PPHLN1: variants seen among roughly 807,000 people sequenced by gnomAD.
PPHLN1 encodes the protein periphilin 1.
PPHLN1 carries 29 observed loss-of-function variants against 51.3 expected under a neutral mutation model. The ratio of observed to expected loss-of-function variants is 0.57; its 90% confidence interval spans 0.42 to 0.77. The LOEUF (loss-of-function observed/expected upper bound fraction) is 0.77, where lower values mean the gene tolerates loss of function less well. Ranked by LOEUF, PPHLN1 falls within the 30% of genes least tolerant of loss-of-function variation. PPHLN1 has a pLI of 0.00. For synonymous variants in PPHLN1, 147 were observed against 147.8 expected (o/e 0.99, Z 0.04); for missense variants, 436 against 438.4 (o/e 0.99, Z 0.05).
In PPHLN1 at chr12:42,386,027, A is replaced by G. The variant is rs574275796; in HGVS notation, c.568+1031A>G. Among the ~76,000 whole-genome samples the G allele has an allele frequency of 3.3e-5, 5 of 152,356 alleles. No individual in the cohort carries two copies. In the South Asian group the frequency reaches 6.2e-4, roughly 19 times the overall value. On this transcript the variant is annotated intron_variant, in intron 6 of 9. Transcript: ENST00000358314. ...TCTACAAGAACTTTTAAAGTTGCTT[A>G]GGGTGAAAGCCTCTTGTAGTACCAC...
intron 9 of PPHLN1, among the ~76,000 whole-genome samples, chr12:42,405,491 A>ATT (rs2079208531): frequency 6.6e-6 from 1 of 152,228 alleles, no homozygotes; most frequent in Non-Finnish European, 1.5e-5. Flanking sequence ...CTAGAAGTGA[A>ATT]TTGATGATTG....
In PPHLN1 at chr12:42,397,455, G is replaced by GT. The variant is rs796568118; in HGVS notation, c.769-1391dup. Among the ~76,000 whole-genome samples, 59 of 152,004 alleles carry GT rather than the reference G, an allele frequency of 3.9e-4. 2 individuals are homozygous for GT. The highest frequency in any genetic ancestry group is 1.4e-3 in the African/African-American group (57 of 41,452). ...ATGAGCTCTTTTAAATTAACTGTCA[G>GT]TTTTTTTTCCCCTTTTTCACTTGCT... On this transcript the variant is annotated intron_variant, in intron 8 of 9. Transcript: ENST00000358314.
In PPHLN1 at chr12:42,426,228, ACC is replaced by A. The variant is rs1555220467; in HGVS notation, c.910-15085_910-15084del. Among the ~76,000 whole-genome samples the A allele has an allele frequency of 4.8e-4, 62 of 129,866 alleles. 1 individual carries two copies. Among genetic ancestry groups the A allele is most frequent in the African/African-American group, 1.9e-3 (59 of 30,532 alleles). The allele number at this position is 129,866 out of a possible 152,430, so 85.2% of individuals were successfully genotyped here. A position where few individuals can be genotyped will look rare whatever the true frequency, so the allele number is the denominator to read the frequency against. On this transcript the variant is annotated intron_variant, in intron 9 of 9. Transcript: ENST00000358314. Reference sequence around the variant, plus strand: ...CACACACACACACACACACACACACACCCTCATGCATTGTCTCATGGCAGTTA... The same window carrying A: ...CACACACACACACACACACACACACACTCATGCATTGTCTCATGGCAGTTA...
intron 4 of PPHLN1, among the ~76,000 whole-genome samples, chr12:42,360,813 A>G (rs771761882): frequency 5.3e-5 from 8 of 152,010 alleles, no homozygotes; most frequent in South Asian, 2.1e-4. Flanking sequence ...TTTTCTTCCT[A>G]TAGGCTGCAC....
rs886294030 is a variant in PPHLN1 at position 42,406,574 on chromosome 12, T to A, written c.909+7580T>A. ...TGTGGTTATTGGCACATGAATATCC[T>A]TTTTTTGTAAAACGGCTATTGAAAT... On this transcript the variant is annotated intron_variant, in intron 9 of 9. Coordinates refer to ENST00000358314, the MANE Select transcript of PPHLN1 (RefSeq NM_201439.2). Among the ~76,000 whole-genome samples the A allele has an allele frequency of 3.9e-5, 6 of 152,310 alleles. No homozygotes were observed. The East Asian group carries it at 1.2e-3, about 29-fold the overall frequency.
chr12:42,400,796 TTTCA>T (rs1343887182), intron 9 of PPHLN1, among the ~76,000 whole-genome samples: 1 of 122,778 alleles, frequency 8.1e-6, no homozygotes, highest in Non-Finnish European at 1.7e-5. Context: ...TCTCTCTCTC[TTTCA>T]CACACACACA....
chr12:42,415,352 A>G (rs1406376921), intron 9 of PPHLN1, among the ~76,000 whole-genome samples: 1 of 152,056 alleles, frequency 6.6e-6, no homozygotes, highest in Non-Finnish European at 1.5e-5. Flanking sequence ...GTATGTTTTT[A>G]ATAGAGGCAA....
chr12:42,394,862 A>G (rs575257559), intron 8 of PPHLN1, among the ~76,000 whole-genome samples: 242 of 152,232 alleles, frequency 1.6e-3, no homozygotes, highest in African/African-American at 5.6e-3. Flanking sequence ...TTCTACATTA[A>G]TCATTGATAT....
intron 5 of PPHLN1, among the ~76,000 whole-genome samples, chr12:42,383,068 A>G (rs17091149): frequency 0.028 from 4,234 of 152,336 alleles, 217 homozygotes; most frequent in African/African-American, 0.097. Context: ...TTACTAGTCT[A>G]TTAGAAGATT....
intron 7 of PPHLN1, among the ~76,000 whole-genome samples, chr12:42,387,982 T>A (rs2077333387): frequency 6.6e-6 from 1 of 152,196 alleles, no homozygotes; most frequent in African/African-American, 2.4e-5. Context: ...CATTCTCTAG[T>A]CTCGATAAAC....
At chr12:42,357,781 C>T (rs2074207801) in intron 4 of PPHLN1, among the ~76,000 whole-genome samples, 1 of 151,998 alleles carries the variant, frequency 6.6e-6, no homozygotes, top group Non-Finnish European at 1.5e-5. Context: ...AGTTTTGTTA[C>T]ATGAATATAT....
At chr12:42,445,143 A>G, downstream of PPHLN1, 1 of 702,146 alleles carries the variant, frequency 1.4e-6, no homozygotes, top group Non-Finnish European at 2.6e-6. Context: ...TACACATTCT[A>G]TTTTTATCAC....
At chr12:42,364,563 G>A (rs2075057932) in intron 4 of PPHLN1, among the ~76,000 whole-genome samples, 1 of 152,174 alleles carries the variant, frequency 6.6e-6, no homozygotes. Flanking sequence ...GGTTGAGGCT[G>A]CAGTGAGCTG....
intron 9 of PPHLN1, among the ~76,000 whole-genome samples, chr12:42,419,895 T>A (rs1315539600): frequency 6.6e-6 from 1 of 152,228 alleles, no homozygotes; most frequent in East Asian, 1.9e-4. Context: ...TTAACCTGAT[T>A]TCTATATGGA....
At chr12:42,442,507 C>T (rs56000886), downstream of PPHLN1, 6,352 of 1,271,924 alleles carry the variant, frequency 5.0e-3, 247 homozygotes, top group African/African-American at 0.085. Flanking sequence ...CTGTCTGTAC[C>T]GAATAAATAC....
chr12:42,376,121 C>G (rs2076245958), intron 5 of PPHLN1, among the ~76,000 whole-genome samples: 3 of 152,164 alleles, frequency 2.0e-5, no homozygotes. Context: ...TGACATTGGG[C>G]TCAGCCTTAT....
intron 1 of PPHLN1, among the ~76,000 whole-genome samples, chr12:42,328,850 C>T (rs2069200628): frequency 6.6e-6 from 1 of 152,104 alleles, no homozygotes; most frequent in African/African-American, 2.4e-5. Context: ...GCTGGAATTA[C>T]AGGCATGTCC....
intron 9 of PPHLN1, chr12:42,400,481 A>AAAG (rs1253367487): frequency 6.6e-5 from 10 of 152,104 alleles, no homozygotes; most frequent in Admixed American, 6.6e-4. Flanking sequence ...AAAAAAAAAA[A>AAAG]AAAAGAAATA....
intron 2 of PPHLN1, among the ~76,000 whole-genome samples, chr12:42,343,036 A>G (rs1001018882): frequency 1.3e-5 from 2 of 152,204 alleles, no homozygotes; most frequent in African/African-American, 2.4e-5. Flanking sequence ...AATAGATGGG[A>G]TGCATATCAG....
Sources: allele counts gnomAD v4.1 joint callset (sites outside exome capture counted in the v4.1 genomes callset), GRCh38; gene constraint gnomAD v4.1.1; transcripts MANE v1.5; gene names NCBI Gene and HGNC (gene_info 2026-07-23, HGNC 2026-07-21).